The following PPFIA1 variants were observed in gnomAD, a reference collection of about 807,000 sequenced individuals.
PPFIA1 encodes the protein liprin-alpha-1.
Under a neutral mutation model 149.9 loss-of-function variants are expected in PPFIA1, and 25 were observed. That is an observed-to-expected ratio of 0.17 (90% confidence interval 0.12 to 0.23). The LOEUF is 0.23. Ranked by LOEUF, PPFIA1 falls within the 10% of genes least tolerant of loss-of-function variation. The pLI, the probability that PPFIA1 is intolerant of heterozygous loss-of-function variation, is 1.00. For missense variants in PPFIA1, 1,362 were observed against 1,506.5 expected, an observed-to-expected ratio of 0.90 and a Z score of 1.59; for synonymous variants, 549 against 552.8, an observed-to-expected ratio of 0.99 and a Z score of 0.10.
chr11:70,280,696 T>A (rs2050709894), intron 2 of PPFIA1, among the ~76,000 whole-genome samples: 1 of 152,176 alleles, frequency 6.6e-6, no homozygotes, highest in Admixed American at 6.5e-5. Context: ...GCCTTCTGAG[T>A]AGCTGGGACT....
chr11:70,372,592 A>G lies in PPFIA1; in HGVS notation c.3139+18A>G, dbSNP rs1207526864. 6.3e-7 allele frequency: 1 copy of G among 1,583,836 alleles called. No homozygotes were observed. The highest frequency in any genetic ancestry group is 1.1e-5 in the South Asian group (1 of 90,132). On this transcript the variant is annotated intron_variant, in intron 23 of 27. Coordinates refer to ENST00000253925, the MANE Select transcript of PPFIA1 (RefSeq NM_003626.5). ...AATAAAAGGTTAGTACATGACATTT[A>G]ATTGATTCGGTTTACTCCTACTTGC...
At chr11:70,339,546 C>T (rs553034203) in intron 14 of PPFIA1, among the ~76,000 whole-genome samples, 2 of 150,334 alleles carry the variant, frequency 1.3e-5, no homozygotes, top group South Asian at 4.2e-4. Flanking sequence ...TCTTGAACTC[C>T]TGGCCTCACA....
intron 2 of PPFIA1, among the ~76,000 whole-genome samples, chr11:70,315,933 G>A (rs2053597463): frequency 6.6e-6 from 1 of 151,880 alleles, no homozygotes; most frequent in Non-Finnish European, 1.5e-5. Context: ...ATCTCTATGA[G>A]TTTGACTGCT....
At chr11:70,357,929 G>A (rs2056436472) in intron 19 of PPFIA1, among the ~76,000 whole-genome samples, 1 of 152,134 alleles carries the variant, frequency 6.6e-6, no homozygotes, top group African/African-American at 2.4e-5. Context: ...ATTTGGCCCT[G>A]TGAAACTTAA....
intron 2 of PPFIA1, among the ~76,000 whole-genome samples, chr11:70,306,056 C>T (rs1019141835): frequency 6.6e-6 from 1 of 152,108 alleles, no homozygotes; most frequent in Admixed American, 6.5e-5. Context: ...TAAGGCAGCC[C>T]TCATTTTGCA....
At chr11:70,345,385 C>T (rs2055624814) in intron 15 of PPFIA1, among the ~76,000 whole-genome samples, 1 of 151,396 alleles carries the variant, frequency 6.6e-6, no homozygotes, top group Non-Finnish European at 1.5e-5. Context: ...GTGAGGGTGA[C>T]GTCTGAGCAG....
At chr11:70,304,922 G>A (rs757541878) in intron 2 of PPFIA1, among the ~76,000 whole-genome samples, 4 of 152,176 alleles carry the variant, frequency 2.6e-5, no homozygotes, top group Non-Finnish European at 4.4e-5. Context: ...TGTTAATCAA[G>A]TGCCCTGCCC....
intron 2 of PPFIA1, among the ~76,000 whole-genome samples, chr11:70,278,337 G>T (rs939731087): frequency 6.6e-6 from 1 of 152,116 alleles, no homozygotes; most frequent in Admixed American, 6.6e-5. Flanking sequence ...TGCCCAATTT[G>T]CCTTCAGTTT....
At chr11:70,339,113 A>C in intron 13 of PPFIA1, 58 bp from the exon 14 acceptor site, 1 of 1,600,942 alleles carries the variant, frequency 6.2e-7, no homozygotes, top group African/African-American at 1.3e-5. Flanking sequence ...GCCTTAACTA[A>C]AAGAGAGTTT....
At chr11:70,315,678 G>GTTTTTTTTTTCT (rs2053568968) in intron 2 of PPFIA1, among the ~76,000 whole-genome samples, 1 of 73,014 alleles carries the variant, frequency 1.4e-5, no homozygotes, top group African/African-American at 5.4e-5. Flanking sequence ...CTTTTTTTCT[G>GTTTTTTTTTTCT]TTTTTTTTTT....
chr11:70,378,403 T>C, intron 26 of PPFIA1: 1 of 1,293,200 alleles, frequency 7.7e-7, no homozygotes, highest in Non-Finnish European at 9.8e-7. Flanking sequence ...AAAACACGCT[T>C]GTCTGGTTGA....
intron 22 of PPFIA1, 23 bp from the exon 23 acceptor site, chr11:70,372,454 C>T: frequency 6.2e-7 from 1 of 1,612,306 alleles, no homozygotes; most frequent in East Asian, 2.2e-5. Flanking sequence ...ATCTCTAAAT[C>T]ATCTCTCTTT....
At chr11:70,306,634 T>C (rs2052872905) in intron 2 of PPFIA1, among the ~76,000 whole-genome samples, 1 of 152,188 alleles carries the variant, frequency 6.6e-6, no homozygotes, top group South Asian at 2.1e-4. Context: ...TGATAACGAA[T>C]GTTTGGCTTT....
chr11:70,352,771 T>G (rs903643646), intron 16 of PPFIA1, among the ~76,000 whole-genome samples: 90 of 41,722 alleles, frequency 2.2e-3, no homozygotes, highest in African/African-American at 6.6e-3. Context: ...CGTGTGGAGG[T>G]GTCGGAGGGC....
rs774520568 is a variant in PPFIA1 at position 70,296,445 on chromosome 11, C to T, written c.264+24009C>T. Among the ~76,000 whole-genome samples, 12 of 152,230 alleles carry T rather than the reference C, an allele frequency of 7.9e-5. No individual in the cohort carries two copies. In the East Asian group the frequency reaches 1.2e-3, roughly 15 times the overall value. On this transcript the variant is annotated intron_variant, in intron 2 of 27. Coordinates refer to ENST00000253925, the MANE Select transcript of PPFIA1 (RefSeq NM_003626.5). ...CTGCAATCCCAGCACCTCTGGAGGC[C>T]GAGGCTGGCGGACCACTCGCGGTTA... is the stretch of plus-strand genomic sequence containing the variant.
intron 10 of PPFIA1, among the ~76,000 whole-genome samples, chr11:70,333,981 CCT>C (rs1333918922): frequency 6.6e-6 from 1 of 152,110 alleles, no homozygotes; most frequent in African/African-American, 2.4e-5. Flanking sequence ...AGAGGCCTGA[CCT>C]CTGTCCCAGG....
chr11:70,339,920 G>A (rs879383756), intron 14 of PPFIA1, among the ~76,000 whole-genome samples: 8 of 152,102 alleles, frequency 5.3e-5, no homozygotes, highest in Admixed American at 1.3e-4. Context: ...GAAGGCTGAG[G>A]CAGAAGAATC....
chr11:70,350,965 C>A (rs561902110), intron 16 of PPFIA1: 2 of 1,231,990 alleles, frequency 1.6e-6, no homozygotes, highest in East Asian at 6.0e-5. Flanking sequence ...AATCTGGTTT[C>A]TCTTCATTTC....
intron 2 of PPFIA1, among the ~76,000 whole-genome samples, chr11:70,295,419 C>G (rs535318193): frequency 1.4e-5 from 2 of 144,850 alleles, no homozygotes; most frequent in Admixed American, 1.4e-4. Flanking sequence ...GGTGGCTGGC[C>G]GGGCACAGGG....
Sources: allele counts gnomAD v4.1 joint callset (sites outside exome capture counted in the v4.1 genomes callset), GRCh38; gene constraint gnomAD v4.1.1; transcripts MANE v1.5; gene names NCBI Gene and HGNC (gene_info 2026-07-23, HGNC 2026-07-21).